Variants in MAP4K4 observed in about 807,000 individuals in gnomAD.
The protein encoded by MAP4K4 is HPK/GCK-like kinase HGK.
In MAP4K4, 38 loss-of-function variants were observed where a neutral mutation model predicts 189.6. The ratio of observed to expected loss-of-function variants is 0.20; its 90% CI spans 0.15 to 0.26. The LOEUF is 0.26. Ranked by LOEUF, MAP4K4 falls within the 10% of genes least tolerant of loss-of-function variation. The probability of loss-of-function intolerance (pLI) is 1.00; values close to 1 mark genes in which losing one functional copy is unlikely to be tolerated. For missense variants in MAP4K4, 1,054 were observed against 1,726.9 expected, an observed-to-expected ratio of 0.61 and a Z score of 6.91; for synonymous variants, 610 against 624.3, an observed-to-expected ratio of 0.98 and a Z score of 0.34.
Position 101,731,107 on chromosome 2 carries a change from A to C in MAP4K4, c.123+32569A>C, listed in dbSNP as rs141436181. Among the ~76,000 whole-genome samples, 1,003 of 151,230 alleles carry C rather than the reference A, an allele frequency of 6.6e-3. 11 individuals carry two copies. Among genetic ancestry groups the C allele is most frequent in the African/African-American group, 0.024 (970 of 41,240 alleles). On this transcript the variant is annotated intron_variant, in intron 2 of 32. Transcript: ENST00000324219. ...TTGATTTGAATGTGACAGTAATTTA[A>C]TTTTTATTTTTATTATTACTATTTT...
chr2:101,803,936 G>A (rs1424173255), intron 3 of MAP4K4, among the ~76,000 whole-genome samples: 1 of 152,168 alleles, frequency 6.6e-6, no homozygotes, highest in Non-Finnish European at 1.5e-5. Flanking sequence ...TCTAAAATGG[G>A]ATTAGGGAGC....
chr2:101,847,456 A>C (rs1269425103), intron 12 of MAP4K4, among the ~76,000 whole-genome samples: 2 of 152,010 alleles, frequency 1.3e-5, no homozygotes, highest in African/African-American at 4.8e-5. Context: ...GCCCTTGAAG[A>C]CTCTCCAATG....
chr2:101,863,799 T>C (rs1264131440), intron 16 of MAP4K4, 22 bp from the exon 17 acceptor site: 1 of 1,350,566 alleles, frequency 7.4e-7, no homozygotes, highest in Non-Finnish European at 9.9e-7. Context: ...ATTGAATGTT[T>C]TGTGTTTTGT....
chr2:101,702,973 C>T (rs1435579482), intron 2 of MAP4K4, among the ~76,000 whole-genome samples: 1 of 152,092 alleles, frequency 6.6e-6, no homozygotes, highest in Non-Finnish European at 1.5e-5. Context: ...TAAGAGTGAC[C>T]TTTGGGAATG....
intron 3 of MAP4K4, among the ~76,000 whole-genome samples, chr2:101,819,023 A>G (rs1051091438): frequency 1.3e-5 from 2 of 152,202 alleles, no homozygotes; most frequent in African/African-American, 2.4e-5. Context: ...GGCATGGAGG[A>G]CACAGTAGTT....
At chr2:101,768,566 C>T (rs1016874832) in intron 2 of MAP4K4, among the ~76,000 whole-genome samples, 1 of 152,084 alleles carries the variant, frequency 6.6e-6, no homozygotes, top group African/African-American at 2.4e-5. Flanking sequence ...CTGTTGCAGA[C>T]CTTAAGACAA....
chr2:101,780,074 G>C (rs1382849337), intron 2 of MAP4K4, among the ~76,000 whole-genome samples: 20 of 152,198 alleles, frequency 1.3e-4, no homozygotes, highest in Admixed American at 1.3e-3. Context: ...GCTGCTTACA[G>C]TTGACTTTAT....
chr2:101,861,488 A>T (rs1211828397), intron 16 of MAP4K4: 2 of 152,852 alleles, frequency 1.3e-5, no homozygotes, highest in African/African-American at 4.8e-5. Flanking sequence ...GGGTGGGGGG[A>T]ATGACCTTTT....
intron 6 of MAP4K4, 171 bp downstream of exon 6, chr2:101,829,765 C>G: frequency 1.8e-6 from 1 of 552,874 alleles, no homozygotes. Context: ...TCCAGCCTCC[C>G]CACTTCCATG....
intron 2 of MAP4K4, among the ~76,000 whole-genome samples, chr2:101,728,561 GGGTGCAGT>G (rs1439913482): frequency 2.0e-5 from 3 of 152,066 alleles, no homozygotes; most frequent in Non-Finnish European, 4.4e-5. Flanking sequence ...ACCCAGGCTG[GGGTGCAGT>G]GGTGCAGTGG....
chr2:101,816,968 C>A (rs2095761734), intron 3 of MAP4K4, among the ~76,000 whole-genome samples: 2 of 150,656 alleles, frequency 1.3e-5, no homozygotes, highest in South Asian at 2.1e-4. Context: ...ATTTTGAATT[C>A]TTTGGGGGCC....
At position 101,887,974 on chromosome 2, in the gene MAP4K4, A is replaced by G. The variant is rs1482399680; in HGVS notation, c.3931+37A>G. ...TTGGGGAAAGGCAGCATTTGTGAAA[A>G]TGGAGCCGTGTCTGAGACTCCATTT... On this transcript the variant is annotated intron_variant, in intron 31 of 32. Coordinates refer to ENST00000324219, the Ensembl canonical transcript of MAP4K4. 2.6e-6 allele frequency: 4 copies of G among 1,542,450 alleles called. No individual in the cohort carries two copies. The African/African-American group carries it at 5.5e-5, about 21-fold the overall frequency.
At chr2:101,831,265 G>A (rs1475232154) in intron 6 of MAP4K4, among the ~76,000 whole-genome samples, 1 of 92,530 alleles carries the variant, frequency 1.1e-5, no homozygotes, top group South Asian at 2.7e-4. Context: ...ATTTGATTCA[G>A]TACTGTGTTT....
At chr2:101,797,531 C>G in intron 3 of MAP4K4, 1 of 556,628 alleles carries the variant, frequency 1.8e-6, no homozygotes, top group Non-Finnish European at 2.8e-6. Context: ...ATTTCCTCGT[C>G]TTGTATTTTC....
chr2:101,872,279 A>G (rs2098060370), intron 24 of MAP4K4, among the ~76,000 whole-genome samples: 1 of 152,174 alleles, frequency 6.6e-6, no homozygotes, highest in African/African-American at 2.4e-5. Context: ...TTAGAAGCCA[A>G]ATTATTTTTG....
At chr2:101,715,946 T>C (rs577372920) in intron 2 of MAP4K4, among the ~76,000 whole-genome samples, 2 of 152,286 alleles carry the variant, frequency 1.3e-5, no homozygotes, top group South Asian at 4.2e-4. Flanking sequence ...ATGAACCCCA[T>C]TGTGAACTGT....
chr2:101,794,755 C>CT (rs2093483515), intron 3 of MAP4K4, among the ~76,000 whole-genome samples: 1 of 152,118 alleles, frequency 6.6e-6, no homozygotes, highest in Non-Finnish European at 1.5e-5. Flanking sequence ...ACGTAGTTAT[C>CT]TTATATCGCT....
chr2:101,826,987 A>C (rs947646922), intron 5 of MAP4K4, among the ~76,000 whole-genome samples: 3 of 152,138 alleles, frequency 2.0e-5, no homozygotes, highest in African/African-American at 7.2e-5. Context: ...TCAAGCAGAG[A>C]ACTAGCTTTT....
At chr2:101,705,384 G>A (rs1234838061) in intron 2 of MAP4K4, among the ~76,000 whole-genome samples, 2 of 151,440 alleles carry the variant, frequency 1.3e-5, no homozygotes, top group African/African-American at 2.4e-5. Flanking sequence ...ATCTCCCTGG[G>A]TTCCCTGCCC....
Sources: gnomAD v4.1 joint callset for allele counts (sites outside exome capture counted in the v4.1 genomes callset) on GRCh38, gnomAD v4.1.1 for gene constraint, MANE v1.5 for transcripts, NCBI Gene and HGNC (gene_info 2026-07-23, HGNC 2026-07-21) for gene names.